The following ADGRF5 variants were observed in gnomAD, a reference collection of about 807,000 sequenced individuals.
ADGRF5 encodes the protein adhesion G protein-coupled receptor F5, also known as G-protein coupled receptor 116.
A neutral mutation model predicts 132.3 loss-of-function variants in ADGRF5; 75 were observed. That is an observed-to-expected ratio of 0.57 (90% CI 0.47 to 0.69). The LOEUF (loss-of-function observed/expected upper bound fraction) is 0.69, where lower values mean the gene tolerates loss of function less well. Among genes scored for constraint, ADGRF5 ranks in the 30% least tolerant of loss-of-function variants. ADGRF5 has a pLI of 0.00. For missense variants in ADGRF5, 1,516 were observed against 1,630.6 expected (o/e 0.93, Z 1.21); for synonymous variants, 629 against 597.6 (o/e 1.05, Z -0.77).
At chr6:46,856,666 G>C in intron 19 of ADGRF5, 52 bp downstream of exon 19, 1 of 1,042,386 alleles carries the variant, frequency 9.6e-7, no homozygotes, top group South Asian at 1.4e-5. Flanking sequence ...CAGAATGCTA[G>C]TGGAATACAT....
intron 11 of ADGRF5, 51 bp from the exon 12 acceptor site, chr6:46,869,143 T>G: frequency 1.3e-6 from 2 of 1,573,464 alleles, no homozygotes; most frequent in Non-Finnish European, 1.7e-6. Flanking sequence ...AAGTTCAATG[T>G]GTAGTATCTC....
At position 46,950,211 on chromosome 6, in the gene ADGRF5, C is replaced by T. The variant is rs147843187; in HGVS notation, c.-25+4523G>A. ...TGCTGGAACATTGCCCGGGACAAGG[C>T]GTTCACCACACCACAAGGCAGCTCA... On this transcript the variant is annotated intron_variant, in intron 1 of 20. Transcript: ENST00000265417. Among the ~76,000 whole-genome samples, 398 of 152,284 alleles carry T rather than the reference C, an allele frequency of 2.6e-3. 2 individuals are homozygous for T. Among genetic ancestry groups the T allele is most frequent in the African/African-American group, 9.3e-3 (385 of 41,570 alleles).
At chr6:46,901,252 C>A (rs771031392) in intron 2 of ADGRF5, among the ~76,000 whole-genome samples, 1 of 152,158 alleles carries the variant, frequency 6.6e-6, no homozygotes, top group Non-Finnish European at 1.5e-5. Context: ...ATACCTTGAC[C>A]TGACAAGGAT....
intron 11 of ADGRF5, chr6:46,870,660 C>T (rs1770949732): frequency 9.2e-6 from 2 of 218,058 alleles, no homozygotes; most frequent in Non-Finnish European, 1.9e-5. Context: ...AAGAAAAAGG[C>T]TCATGGAACC....
intron 1 of ADGRF5, among the ~76,000 whole-genome samples, chr6:46,952,955 A>G (rs1264611215): frequency 1.3e-5 from 2 of 152,174 alleles, no homozygotes; most frequent in East Asian, 1.9e-4. Flanking sequence ...TTAATGGGCA[A>G]TTGGGTGGGG....
chr6:46,879,028 C>T (rs1306754183), intron 9 of ADGRF5, among the ~76,000 whole-genome samples: 3 of 152,034 alleles, frequency 2.0e-5, no homozygotes, highest in Admixed American at 6.6e-5. Context: ...ACGATGGATA[C>T]GTTCACTCTC....
chr6:46,878,488 G>C, intron 9 of ADGRF5, 83 bp from the exon 10 acceptor site: 1 of 816,012 alleles, frequency 1.2e-6, no homozygotes, highest in South Asian at 1.6e-5. Flanking sequence ...CATGGATCAT[G>C]ACAGTACTTC....
chr6:46,860,193 A>T (rs918240237), intron 16 of ADGRF5, among the ~76,000 whole-genome samples: 1 of 152,028 alleles, frequency 6.6e-6, no homozygotes, highest in African/African-American at 2.4e-5. Context: ...GGGGGTGATA[A>T]TGGCTTCTAA....
chr6:46,926,957 C>T (rs572612323), intron 1 of ADGRF5, among the ~76,000 whole-genome samples: 23 of 152,210 alleles, frequency 1.5e-4, no homozygotes, highest in African/African-American at 5.1e-4. Context: ...ATCCTGGGTG[C>T]GGGCACTCTC....
intron 1 of ADGRF5, among the ~76,000 whole-genome samples, chr6:46,932,023 A>G (rs1375451816): frequency 6.6e-6 from 1 of 152,248 alleles, no homozygotes; most frequent in Non-Finnish European, 1.5e-5. Context: ...TCTTAGAATA[A>G]TGTTTGTAAA....
intron 3 of ADGRF5, among the ~76,000 whole-genome samples, chr6:46,893,496 C>T (rs1773869529): frequency 6.6e-6 from 1 of 152,060 alleles, no homozygotes; most frequent in African/African-American, 2.4e-5. Context: ...TCAGAAGGCC[C>T]AGAGTTTAGG....
At chr6:46,889,568 G>GTGTATATA (rs1263241979) in intron 3 of ADGRF5, among the ~76,000 whole-genome samples, 975 of 77,756 alleles carry the variant, frequency 0.013, 5 homozygotes, top group African/African-American at 0.016. Context: ...GTGTGTGTGT[G>GTGTATATA]TATATATATA....
intron 3 of ADGRF5, among the ~76,000 whole-genome samples, chr6:46,894,421 C>T: frequency 6.6e-6 from 1 of 152,204 alleles, no homozygotes; most frequent in Non-Finnish European, 1.5e-5. Flanking sequence ...CATCAAACAC[C>T]AGACTGTGAA....
intron 1 of ADGRF5, among the ~76,000 whole-genome samples, chr6:46,929,823 A>G (rs1561830440): frequency 6.6e-6 from 1 of 151,570 alleles, no homozygotes; most frequent in Non-Finnish European, 1.5e-5. Context: ...ATTATTATTT[A>G]TTATTGTTAT....
At chr6:46,920,215 G>A (rs1209455371) in intron 1 of ADGRF5, among the ~76,000 whole-genome samples, 4 of 151,978 alleles carry the variant, frequency 2.6e-5, no homozygotes, top group African/African-American at 4.8e-5. Flanking sequence ...CCACTAATTG[G>A]CAAATCTAGA....
intron 10 of ADGRF5, among the ~76,000 whole-genome samples, chr6:46,877,238 T>A (rs1771781632): frequency 3.7e-5 from 1 of 27,354 alleles, no homozygotes; most frequent in Non-Finnish European, 6.9e-5. Flanking sequence ...TTTCTTTCTT[T>A]CTTTCTTTCT....
chr6:46,883,081 T>G (rs1429729086), intron 6 of ADGRF5, among the ~76,000 whole-genome samples: 1 of 152,246 alleles, frequency 6.6e-6, no homozygotes, highest in East Asian at 1.9e-4. Flanking sequence ...TTAACACTGT[T>G]GGAATACTCT....
At chr6:46,868,500 C>T (rs912422026) in intron 12 of ADGRF5, among the ~76,000 whole-genome samples, 3 of 152,142 alleles carry the variant, frequency 2.0e-5, no homozygotes, top group African/African-American at 7.2e-5. Context: ...AAAATGTGTT[C>T]CTTTTTTTGG....
Position 46,872,085 on chromosome 6 carries a change from AT to A in ADGRF5, c.1241-73del, listed in dbSNP as rs60764141. Reference sequence around the variant, plus strand: ...TATTTAGTAGCAAAGAGGTCAAATCATTTTTTTTTCATAAAAGGAGTTACTA... The same window carrying A: ...TATTTAGTAGCAAAGAGGTCAAATCATTTTTTTTCATAAAAGGAGTTACTA... On this transcript the variant is annotated intron_variant, in intron 10 of 20. Transcript: ENST00000283296. The A allele has an allele frequency of 4.5e-4, 482 of 1,068,118 alleles. 2 individuals carry two copies. The highest frequency in any genetic ancestry group is 1.3e-3 in the African/African-American group (82 of 61,942). 66.2% of individuals were successfully genotyped at this position (1,068,118 alleles called of 1,614,324 possible).
Sources: gnomAD v4.1 joint callset for allele counts (sites outside exome capture counted in the v4.1 genomes callset) on GRCh38, gnomAD v4.1.1 for gene constraint, MANE v1.5 for transcripts, NCBI Gene and HGNC (gene_info 2026-07-23, HGNC 2026-07-21) for gene names.